The following GRM8 variants were observed in gnomAD, a reference collection of about 807,000 sequenced individuals.
The protein encoded by GRM8 is metabotropic glutamate receptor 8.
In GRM8, 47 loss-of-function variants were observed where a neutral mutation model predicts 87.2. That is an observed-to-expected ratio of 0.54 (90% CI 0.43 to 0.69). The LOEUF (loss-of-function observed/expected upper bound fraction) is 0.69, where lower values mean the gene tolerates loss of function less well. GRM8 is among the 30% of genes least tolerant of loss of function. The pLI is 0.00. For missense variants in GRM8, 1,019 were observed against 1,139.2 expected (o/e 0.89, Z 1.52); for synonymous variants, 396 against 404.5 (o/e 0.98, Z 0.25).
intron 7 of GRM8, among the ~76,000 whole-genome samples, chr7:126,639,324 G>C (rs903921191): frequency 6.6e-6 from 1 of 152,168 alleles, no homozygotes; most frequent in African/African-American, 2.4e-5. Flanking sequence ...CCCTGGCATA[G>C]TGCCTTACCC....
At chr7:126,833,082 C>A (rs980072112) in intron 6 of GRM8, among the ~76,000 whole-genome samples, 1 of 152,158 alleles carries the variant, frequency 6.6e-6, no homozygotes, top group African/African-American at 2.4e-5. Context: ...CATAAGGAGT[C>A]TTGAACAATC....
intron 7 of GRM8, among the ~76,000 whole-genome samples, chr7:126,610,988 T>C (rs1158562146): frequency 2.0e-5 from 3 of 152,228 alleles, no homozygotes; most frequent in African/African-American, 7.2e-5. Flanking sequence ...CTTGTGTATG[T>C]CCCTTTTCCT....
At chr7:127,218,941 A>G (rs192410419) in intron 2 of GRM8, among the ~76,000 whole-genome samples, 3 of 152,302 alleles carry the variant, frequency 2.0e-5, no homozygotes, top group Non-Finnish European at 4.4e-5. Context: ...CACAAAGCAC[A>G]AAGGGATCCC....
At chr7:127,088,326 G>T (rs952550489) in intron 3 of GRM8, among the ~76,000 whole-genome samples, 1 of 152,176 alleles carries the variant, frequency 6.6e-6, no homozygotes, top group African/African-American at 2.4e-5. Flanking sequence ...GAAGGCCCTG[G>T]GTTAATTCCT....
chr7:126,814,761 A>ATT (rs140715115), intron 6 of GRM8, among the ~76,000 whole-genome samples: 4 of 147,124 alleles, frequency 2.7e-5, no homozygotes, highest in African/African-American at 1.0e-4. Flanking sequence ...CCATTCTTAT[A>ATT]TTTTTTTTTT....
chr7:126,832,684 C>G (rs573403156), intron 6 of GRM8, among the ~76,000 whole-genome samples: 1 of 152,290 alleles, frequency 6.6e-6, no homozygotes, highest in Non-Finnish European at 1.5e-5. Context: ...TTTCATTTTG[C>G]TAAACCACAT....
intron 7 of GRM8, among the ~76,000 whole-genome samples, chr7:126,726,939 T>C (rs914031322): frequency 6.6e-6 from 1 of 152,056 alleles, no homozygotes; most frequent in South Asian, 2.1e-4. Flanking sequence ...GCACTTAATA[T>C]AAATTTACAT....
intron 8 of GRM8, among the ~76,000 whole-genome samples, chr7:126,593,432 C>T (rs376842655): frequency 6.7e-4 from 102 of 151,872 alleles, no homozygotes; most frequent in African/African-American, 2.3e-3. Context: ...AATAGAGAGC[C>T]CTGAAATAAA....
intron 7 of GRM8, among the ~76,000 whole-genome samples, chr7:126,645,270 CTTCTCCAA>C (rs1802905799): frequency 6.6e-6 from 1 of 152,210 alleles, no homozygotes; most frequent in Non-Finnish European, 1.5e-5. Context: ...AGATCTCTGA[CTTCTCCAA>C]TTGCTCCTAT....
chr7:126,554,660 C>A (rs1459273407), intron 8 of GRM8, among the ~76,000 whole-genome samples: 1 of 151,940 alleles, frequency 6.6e-6, no homozygotes, highest in East Asian at 1.9e-4. Flanking sequence ...TGGTATATAA[C>A]AAAAACTAGA....
intron 3 of GRM8, among the ~76,000 whole-genome samples, chr7:127,058,356 AT>A (rs1188976354): frequency 6.6e-6 from 1 of 152,222 alleles, no homozygotes; most frequent in Non-Finnish European, 1.5e-5. Flanking sequence ...AATTAGGAGA[AT>A]TTGAAAGTTA....
intron 7 of GRM8, among the ~76,000 whole-genome samples, chr7:126,736,016 T>C (rs1372596883): frequency 6.6e-6 from 1 of 152,030 alleles, no homozygotes; most frequent in Non-Finnish European, 1.5e-5. Flanking sequence ...AGTGCACAGA[T>C]TGTTAATGTT....
At chr7:127,051,496 G>A (rs11563773) in intron 3 of GRM8, among the ~76,000 whole-genome samples, 12,177 of 152,040 alleles carry the variant, frequency 0.08, 535 homozygotes, top group South Asian at 0.13. Context: ...GCAGCTCACC[G>A]TAACCTTTTC....
chr7:126,815,799 C>T (rs1793733641), intron 6 of GRM8, among the ~76,000 whole-genome samples: 1 of 152,054 alleles, frequency 6.6e-6, no homozygotes, highest in African/African-American at 2.4e-5. Context: ...TGCATGCTAT[C>T]TAGAGTCTTA....
chr7:127,084,333 A>G (rs540912778), intron 3 of GRM8: 1 of 152,338 alleles, frequency 6.6e-6, no homozygotes, highest in South Asian at 2.1e-4. Context: ...TAAACACAAA[A>G]CAGAATAGGA....
chr7:126,533,435 G>A lies in GRM8; in HGVS notation c.1947C>T (p.Ser649=). The change falls in exon 9 of 11, where the codon TCC becomes TCT. Residue 649 remains serine, a synonymous_variant. Transcript: ENST00000339582. ...MIAAPDTIIC[S]FRRVFLGLGM... The stretch of plus-strand genomic sequence containing the variant: ...CAAGTCCTAGGAAGACCCGTCGGAA[G>A]GAGCATATGATTGTATCTGGTGCTG... The A allele has an allele frequency of 6.2e-7, 1 of 1,614,010 alleles. No homozygotes were observed. The highest frequency in any genetic ancestry group is 8.5e-7 in the Non-Finnish European group (1 of 1,179,958).
chr7:126,788,863 C>A (rs2151666218), intron 6 of GRM8, among the ~76,000 whole-genome samples: 1 of 151,360 alleles, frequency 6.6e-6, no homozygotes, highest in East Asian at 1.9e-4. Flanking sequence ...TAAATTCAGC[C>A]TTAATGAAAG....
intron 3 of GRM8, among the ~76,000 whole-genome samples, chr7:127,078,677 C>T (rs1284104928): frequency 1.3e-5 from 2 of 152,168 alleles, no homozygotes; most frequent in Admixed American, 1.3e-4. Flanking sequence ...GGTCCCCATC[C>T]CAGTTTTCAG....
chr7:127,166,818 T>A (rs1793480461), intron 2 of GRM8, among the ~76,000 whole-genome samples: 2 of 152,156 alleles, frequency 1.3e-5, no homozygotes, highest in South Asian at 2.1e-4. Flanking sequence ...GTTTAAATTT[T>A]TTTAAAGGAT....
Sources: gnomAD v4.1 joint callset for allele counts (sites outside exome capture counted in the v4.1 genomes callset) on GRCh38, gnomAD v4.1.1 for gene constraint, MANE v1.5 for transcripts, NCBI Gene and HGNC (gene_info 2026-07-23, HGNC 2026-07-21) for gene names.